The following CNTNAP2 variants were observed in gnomAD, a reference collection of about 807,000 sequenced individuals.
The protein encoded by CNTNAP2 is contactin-associated protein-like 2.
A neutral mutation model predicts 155.2 loss-of-function variants in CNTNAP2; 98 were observed. The observed-to-expected ratio is 0.63, with a 90% confidence interval of 0.54 to 0.75. The LOEUF is 0.75. Ranked by LOEUF, CNTNAP2 falls within the 30% of genes least tolerant of loss-of-function variation. CNTNAP2 has a pLI of 0.00. For missense variants in CNTNAP2, 1,727 were observed against 1,688.1 expected, an observed-to-expected ratio of 1.02 and a Z score of -0.40; for synonymous variants, 651 against 631.2, an observed-to-expected ratio of 1.03 and a Z score of -0.47.
At chr7:146,701,345 G>A (rs1019562681) in intron 1 of CNTNAP2, among the ~76,000 whole-genome samples, 2 of 152,066 alleles carry the variant, frequency 1.3e-5, no homozygotes, top group Admixed American at 6.6e-5. Flanking sequence ...GCAACACGGT[G>A]GATAGTATTT....
At chr7:148,055,902 C>A (rs1802998965) in intron 15 of CNTNAP2, among the ~76,000 whole-genome samples, 1 of 152,156 alleles carries the variant, frequency 6.6e-6, no homozygotes, top group Admixed American at 6.5e-5. Flanking sequence ...GCCTTGATAA[C>A]CTGGCCACAG....
chr7:147,004,732 A>G (rs1798494438), intron 3 of CNTNAP2, among the ~76,000 whole-genome samples: 1 of 152,164 alleles, frequency 6.6e-6, no homozygotes, highest in South Asian at 2.1e-4. Context: ...TACTGATCTA[A>G]TTACTGCAAC....
chr7:147,775,303 ATT>A lies in CNTNAP2; in HGVS notation c.2099-128260_2099-128259del, dbSNP rs1313896803. On this transcript the variant is annotated intron_variant, in intron 13 of 23. Transcript: ENST00000361727. ...TTTATAAATATATATATTTATATATATTTATAAATATATATATATTTATATAT... is the reference window on the plus strand; with the variant it reads ...TTTATAAATATATATATTTATATATATATAAATATATATATATTTATATAT... Among the ~76,000 whole-genome samples, 130 of 53,860 alleles carry A rather than the reference ATT, an allele frequency of 2.4e-3. 1 individual carries two copies. Among genetic ancestry groups the A allele is most frequent in the African/African-American group, 9.9e-3 (70 of 7,074 alleles). The allele number at this position is 53,860 out of a possible 152,430, so 35.3% of individuals were successfully genotyped here. A position where few individuals can be genotyped will look rare whatever the true frequency, so the allele number is the denominator to read the frequency against.
At chr7:148,097,023 G>C (rs771395412) in intron 15 of CNTNAP2, among the ~76,000 whole-genome samples, 19 of 152,050 alleles carry the variant, frequency 1.2e-4, no homozygotes, top group Non-Finnish European at 2.2e-4. Flanking sequence ...CCAAATCCAT[G>C]CTCCAGGAAT....
At chr7:147,007,619 T>C (rs1296977109) in intron 3 of CNTNAP2, among the ~76,000 whole-genome samples, 1 of 151,964 alleles carries the variant, frequency 6.6e-6, no homozygotes, top group African/African-American at 2.4e-5. Context: ...GCTGTGTAAG[T>C]AAGAAAAAAG....
chr7:147,727,111 G>C (rs73472841), intron 13 of CNTNAP2, among the ~76,000 whole-genome samples: 404 of 151,918 alleles, frequency 2.7e-3, no homozygotes, highest in African/African-American at 9.4e-3. Context: ...CCTCAATAAA[G>C]CTGGAAAAAT....
chr7:147,272,242 A>G (rs951673782), intron 8 of CNTNAP2, among the ~76,000 whole-genome samples: 1 of 152,138 alleles, frequency 6.6e-6, no homozygotes, highest in Non-Finnish European at 1.5e-5. Flanking sequence ...ACCCTTCTCC[A>G]TAACAAACTT....
intron 15 of CNTNAP2, among the ~76,000 whole-genome samples, chr7:147,992,364 G>C (rs868819402): frequency 4.6e-5 from 7 of 151,934 alleles, no homozygotes; most frequent in Admixed American, 2.6e-4. Context: ...TGCCCACCTC[G>C]GCCTCTCAAA....
chr7:146,464,231 C>T (rs568046397), intron 1 of CNTNAP2, among the ~76,000 whole-genome samples: 4 of 113,806 alleles, frequency 3.5e-5, no homozygotes, highest in Non-Finnish European at 7.1e-5. Flanking sequence ...TCTCTCCAAA[C>T]AACAAACAAA....
rs994263349 is a variant in CNTNAP2, at chr7:146,880,751, A to T, written c.402+40847A>T. Reference sequence around the variant, plus strand: ...TTTATATATTAGTAGAAGGAGAAAAACATTTTGTCATCTCTTTGGAAACTC... The same window carrying T: ...TTTATATATTAGTAGAAGGAGAAAATCATTTTGTCATCTCTTTGGAAACTC... On this transcript the variant is annotated intron_variant, in intron 3 of 23. Transcript: ENST00000361727. Among the ~76,000 whole-genome samples, 110 of 152,246 alleles carry T rather than the reference A, an allele frequency of 7.2e-4. 1 individual carries two copies. The highest frequency in any genetic ancestry group is 2.4e-3 in the African/African-American group (100 of 41,564).
intron 12 of CNTNAP2, among the ~76,000 whole-genome samples, chr7:147,626,988 C>T (rs1396454227): frequency 1.1e-4 from 17 of 152,182 alleles, no homozygotes; most frequent in Admixed American, 1.1e-3. Context: ...TGGATCACAT[C>T]ATAGGACTCT....
chr7:147,087,373 G>GT (rs577893904), intron 4 of CNTNAP2, among the ~76,000 whole-genome samples: 3 of 151,872 alleles, frequency 2.0e-5, no homozygotes, highest in South Asian at 2.1e-4. Flanking sequence ...TCTTTGTTCT[G>GT]TTTTTTTTAA....
chr7:148,218,894 C>T (rs1585195653), intron 19 of CNTNAP2, among the ~76,000 whole-genome samples: 1 of 149,046 alleles, frequency 6.7e-6, no homozygotes, highest in African/African-American at 2.5e-5. Flanking sequence ...TCCACTTCCT[C>T]TCTGAAAATG....
At chr7:146,260,398 C>T (rs1584832941) in intron 1 of CNTNAP2, among the ~76,000 whole-genome samples, 1 of 152,296 alleles carries the variant, frequency 6.6e-6, no homozygotes, top group South Asian at 2.1e-4. Context: ...GATCCACAGA[C>T]AGCTTGGATT....
chr7:147,153,466 T>A (rs1040863686), intron 8 of CNTNAP2, among the ~76,000 whole-genome samples: 1 of 152,106 alleles, frequency 6.6e-6, no homozygotes, highest in Non-Finnish European at 1.5e-5. Context: ...ATAAACCTTA[T>A]AACAAAGGTG....
At chr7:147,730,061 T>C (rs1250693933) in intron 13 of CNTNAP2, among the ~76,000 whole-genome samples, 2 of 152,114 alleles carry the variant, frequency 1.3e-5, no homozygotes, top group Non-Finnish European at 2.9e-5. Context: ...GTTGACTTCA[T>C]TGAGCAAACA....
chr7:148,292,414 T>C (rs1382966798), intron 21 of CNTNAP2, among the ~76,000 whole-genome samples: 1 of 152,142 alleles, frequency 6.6e-6, no homozygotes, highest in East Asian at 1.9e-4. Context: ...CCCAAAGAGG[T>C]TAAAGCTGAT....
chr7:146,793,517 A>G (rs544844764), intron 2 of CNTNAP2, among the ~76,000 whole-genome samples: 2 of 152,330 alleles, frequency 1.3e-5, no homozygotes, highest in East Asian at 3.9e-4. Flanking sequence ...GTGGTGGCTA[A>G]GAGATGGCAG....
At chr7:146,518,861 A>G (rs900454474) in intron 1 of CNTNAP2, among the ~76,000 whole-genome samples, 15 of 151,888 alleles carry the variant, frequency 9.9e-5, no homozygotes, top group Non-Finnish European at 1.6e-4. Flanking sequence ...TGGCTTTAAA[A>G]TCTAGTTGGG....
Sources: allele counts gnomAD v4.1 joint callset (sites outside exome capture counted in the v4.1 genomes callset), GRCh38; gene constraint gnomAD v4.1.1; transcripts MANE v1.5; gene names NCBI Gene and HGNC (gene_info 2026-07-23, HGNC 2026-07-21).